KIF16B: variants seen among roughly 807,000 people sequenced by gnomAD.
KIF16B encodes the protein kinesin family member 16B, also known as kinesin-like protein KIF16B.
Under a neutral mutation model 156.3 loss-of-function variants are expected in KIF16B, and 98 were observed. That is an observed-to-expected ratio of 0.63 (90% confidence interval 0.53 to 0.74). KIF16B has a LOEUF of 0.74. Among genes scored for constraint, KIF16B ranks in the 30% least tolerant of loss-of-function variants. The pLI, the probability that KIF16B is intolerant of heterozygous loss-of-function variation, is 0.00. For synonymous variants in KIF16B, 564 were observed against 583.7 expected (o/e 0.97, Z 0.49); for missense variants, 1,421 against 1,606.5 (o/e 0.88, Z 1.97).
intron 17 of KIF16B, among the ~76,000 whole-genome samples, chr20:16,385,626 T>C (rs2065212393): frequency 6.6e-6 from 1 of 152,188 alleles, no homozygotes; most frequent in African/African-American, 2.4e-5. Flanking sequence ...GCCTGGCACC[T>C]GGACACATCG....
chr20:16,520,744 C>T (rs896807422), intron 3 of KIF16B, among the ~76,000 whole-genome samples: 7 of 152,158 alleles, frequency 4.6e-5, no homozygotes, highest in African/African-American at 1.7e-4. Flanking sequence ...AGAGACACCT[C>T]CCAGCAGGGG....
At chr20:16,414,830 T>C (rs1012955945) in intron 15 of KIF16B, among the ~76,000 whole-genome samples, 8 of 152,176 alleles carry the variant, frequency 5.3e-5, no homozygotes, top group Non-Finnish European at 1.2e-4. Context: ...AAGACGGTTC[T>C]ACTTACAATT....
At chr20:16,512,155 A>C (rs1162846602) in intron 5 of KIF16B, among the ~76,000 whole-genome samples, 1 of 152,132 alleles carries the variant, frequency 6.6e-6, no homozygotes, top group African/African-American at 2.4e-5. Flanking sequence ...TCCAAAAAAA[A>C]AAAGGAAGGT....
At chr20:16,555,682 C>G (rs1191293694) in intron 1 of KIF16B, among the ~76,000 whole-genome samples, 1 of 152,178 alleles carries the variant, frequency 6.6e-6, no homozygotes, top group Non-Finnish European at 1.5e-5. Flanking sequence ...AAATACATCA[C>G]CTTTATTCAG....
intron 25 of KIF16B, among the ~76,000 whole-genome samples, chr20:16,274,958 A>G (rs2063038641): frequency 1.3e-5 from 2 of 152,256 alleles, no homozygotes; most frequent in Non-Finnish European, 2.9e-5. Context: ...GAGGACTACT[A>G]ACAACAACAC....
intron 12 of KIF16B, among the ~76,000 whole-genome samples, chr20:16,476,905 C>T (rs565755262): frequency 8.6e-5 from 13 of 152,036 alleles, no homozygotes; most frequent in Middle Eastern, 3.4e-3. Context: ...ACTACAGGCG[C>T]GTGCCACCAC....
chr20:16,291,513 CA>C (rs2063314618), intron 25 of KIF16B, among the ~76,000 whole-genome samples: 1 of 152,128 alleles, frequency 6.6e-6, no homozygotes, highest in African/African-American at 2.4e-5. Context: ...TTTTTAGCTG[CA>C]ATGCTGCAAT....
chr20:16,410,257 C>T (rs139788246), intron 15 of KIF16B, among the ~76,000 whole-genome samples: 201 of 135,120 alleles, frequency 1.5e-3, no homozygotes, highest in African/African-American at 5.5e-3. Flanking sequence ...ATATATATGT[C>T]GGTGTACATA....
chr20:16,312,496 A>G (rs2063634575), intron 24 of KIF16B, 78 bp from the exon 25 acceptor site: 2 of 1,082,430 alleles, frequency 1.8e-6, no homozygotes, highest in East Asian at 2.5e-5. Flanking sequence ...TATTATTTGA[A>G]ATCTCTTCCA....
chr20:16,293,924 G>T (rs542942287), intron 25 of KIF16B, among the ~76,000 whole-genome samples: 7 of 152,032 alleles, frequency 4.6e-5, no homozygotes, highest in East Asian at 3.9e-4. Flanking sequence ...GAGGGGCTGC[G>T]GGGGGTGCAT....
intron 17 of KIF16B, chr20:16,382,111 G>A (rs1459562929): frequency 2.2e-6 from 3 of 1,355,226 alleles, no homozygotes; most frequent in African/African-American, 2.9e-5. Flanking sequence ...AGACAGATGG[G>A]TCCTTTTATA....
Position 16,504,404 on chromosome 20 carries a change from T to C in KIF16B, c.1144A>G (p.Arg382Gly), listed in dbSNP as rs766114005. The C allele has an allele frequency of 8.7e-6, 14 of 1,614,120 alleles. No homozygotes were observed. In the East Asian group the frequency reaches 2.2e-4, roughly 26 times the overall value. ...LIRELRAEIARLKTLLAQGNQ... is the reference protein window; with the variant it reads ...LIRELRAEIAGLKTLLAQGNQ... ...CCTTGAGCAAGCAGCGTTTTCAGTC[T>C]GGCTATTTCAGCTCGCAGCTCACGG... Residue 382 changes from arginine to glycine, a missense_variant, in exon 10 of 26, where the codon AGA (arginine) becomes GGA (glycine). Transcript: ENST00000354981.
Position 16,405,602 on chromosome 20 carries a change from T to G in KIF16B, c.1696-701A>C, listed in dbSNP as rs150016631. Among the ~76,000 whole-genome samples, 474 of 152,250 alleles carry G rather than the reference T, an allele frequency of 3.1e-3. 1 individual carries two copies. Among genetic ancestry groups the G allele is most frequent in the South Asian group, 9.3e-3 (45 of 4,816 alleles). ...GGTCAAGGGCAAACACTTCTGGTAT[T>G]CAAGTCAGTACTGCAGCCAAAGCTC... On this transcript the variant is annotated intron_variant, in intron 16 of 25. Transcript: ENST00000354981.
At chr20:16,431,463 C>T (rs972466306) in intron 12 of KIF16B, among the ~76,000 whole-genome samples, 5 of 152,192 alleles carry the variant, frequency 3.3e-5, no homozygotes, top group Admixed American at 1.3e-4. Context: ...AACTTGCCAG[C>T]CTGCCCCATC....
intron 12 of KIF16B, among the ~76,000 whole-genome samples, chr20:16,456,073 TA>T (rs1445451652): frequency 6.6e-6 from 1 of 151,254 alleles, no homozygotes; most frequent in Non-Finnish European, 1.5e-5. Context: ...ATTAGTTCAA[TA>T]AAAGGAATTC....
chr20:16,400,908 G>A (rs923152495), intron 17 of KIF16B, among the ~76,000 whole-genome samples: 2 of 152,150 alleles, frequency 1.3e-5, no homozygotes, highest in African/African-American at 4.8e-5. Context: ...GACGAAACTG[G>A]TTGCACAGTA....
chr20:16,512,243 A>T (rs2068978752), intron 5 of KIF16B, among the ~76,000 whole-genome samples: 1 of 152,166 alleles, frequency 6.6e-6, no homozygotes, highest in Non-Finnish European at 1.5e-5. Context: ...ATACCCAGAG[A>T]TAGGTACCAC....
intron 12 of KIF16B, among the ~76,000 whole-genome samples, chr20:16,430,202 G>A (rs1170147881): frequency 6.6e-6 from 1 of 152,154 alleles, no homozygotes. Context: ...TAAACTCATT[G>A]CCTGATACAT....
chr20:16,336,106 A>G, intron 23 of KIF16B, 91 bp from the exon 24 acceptor site: 1 of 736,622 alleles, frequency 1.4e-6, no homozygotes, highest in East Asian at 2.8e-5. Flanking sequence ...ATTTAAAAAA[A>G]GTGATTAGCA....
Sources: gnomAD v4.1 joint callset for allele counts (sites outside exome capture counted in the v4.1 genomes callset) on GRCh38, gnomAD v4.1.1 for gene constraint, MANE v1.5 for transcripts, NCBI Gene and HGNC (gene_info 2026-07-23, HGNC 2026-07-21) for gene names.